Variants in CPNE4 observed in about 807,000 individuals in gnomAD.
CPNE4 encodes the protein copine 4, also known as copine-4.
CPNE4 carries 25 observed loss-of-function variants against 67.9 expected under a neutral mutation model. That is an observed-to-expected ratio of 0.37 (90% CI 0.27 to 0.51). The LOEUF (loss-of-function observed/expected upper bound fraction) is 0.51, where lower values mean the gene tolerates loss of function less well. Ranked by LOEUF, CPNE4 falls within the 20% of genes least tolerant of loss-of-function variation. CPNE4 has a pLI of 0.93. For synonymous variants in CPNE4, 242 were observed against 244.9 expected, an observed-to-expected ratio of 0.99 and a Z score of 0.11; for missense variants, 464 against 690.8, an observed-to-expected ratio of 0.67 and a Z score of 3.68.
At chr3:132,029,936 G>A (rs4854874) in intron 1 of CPNE4, among the ~76,000 whole-genome samples, 33,438 of 152,184 alleles carry the variant, frequency 0.22, 4,637 homozygotes, top group East Asian at 0.38. Context: ...AAAATAGAAA[G>A]CTAAGTCTAT....
intron 2 of CPNE4, among the ~76,000 whole-genome samples, chr3:131,766,748 A>G (rs114023124): frequency 0.011 from 1,610 of 152,308 alleles, 25 homozygotes; most frequent in African/African-American, 0.036. Flanking sequence ...AAAAACAGAT[A>G]AAAATCATAT....
intron 2 of CPNE4, among the ~76,000 whole-genome samples, chr3:131,884,124 C>T (rs1288234488): frequency 6.6e-6 from 1 of 152,228 alleles, no homozygotes; most frequent in Non-Finnish European, 1.5e-5. Context: ...AGCACAAAAG[C>T]TGGGACCATG....
chr3:131,912,486 A>G (rs114391906), intron 1 of CPNE4, among the ~76,000 whole-genome samples: 268 of 152,224 alleles, frequency 1.8e-3, no homozygotes, highest in African/African-American at 6.0e-3. Flanking sequence ...GGATGTCTCT[A>G]TCTCACAACA....
At chr3:131,663,699 A>G (rs1453583221) in intron 7 of CPNE4, among the ~76,000 whole-genome samples, 8 of 152,108 alleles carry the variant, frequency 5.3e-5, no homozygotes, top group Admixed American at 5.2e-4. Context: ...ACTCAAGAAC[A>G]TGGCTGTTTT....
At chr3:131,964,555 G>C (rs561370529) in intron 1 of CPNE4, among the ~76,000 whole-genome samples, 1 of 151,932 alleles carries the variant, frequency 6.6e-6, no homozygotes, top group African/African-American at 2.4e-5. Context: ...GAAAAACACA[G>C]CATGAGAACT....
intron 10 of CPNE4, among the ~76,000 whole-genome samples, chr3:131,571,471 C>A (rs1363877723): frequency 3.3e-5 from 5 of 152,072 alleles, no homozygotes; most frequent in Non-Finnish European, 5.9e-5. Flanking sequence ...CCAAATTCAT[C>A]ATCTTGCCTA....
In CPNE4 at chr3:131,796,892, C is replaced by T. The variant is rs565034425; in HGVS notation, c.181-73267G>A. Reference sequence around the variant, plus strand: ...CACACATAGTCTTTTCATCTAATGACGTTGGCAAGTTTAACTTTCTTTGCA... The same window carrying T: ...CACACATAGTCTTTTCATCTAATGATGTTGGCAAGTTTAACTTTCTTTGCA... On this transcript the variant is annotated intron_variant, in intron 2 of 15. Coordinates refer to ENST00000429747, the MANE Select transcript of CPNE4 (RefSeq NM_130808.3). Among the ~76,000 whole-genome samples the T allele has an allele frequency of 2.6e-3, 394 of 152,354 alleles. 5 individuals carry two copies. In the Middle Eastern group the frequency reaches 0.037, roughly 14 times the overall value.
At chr3:131,976,510 T>C (rs1357691065) in intron 1 of CPNE4, among the ~76,000 whole-genome samples, 4 of 151,908 alleles carry the variant, frequency 2.6e-5, no homozygotes, top group East Asian at 1.9e-4. Context: ...AGGAGGAGAA[T>C]AGAAGGAAAG....
At chr3:131,964,309 T>G (rs2072275886) in intron 1 of CPNE4, among the ~76,000 whole-genome samples, 1 of 151,988 alleles carries the variant, frequency 6.6e-6, no homozygotes, top group East Asian at 1.9e-4. Context: ...CCAGAATGCC[T>G]TATCTCCTCC....
intron 7 of CPNE4, among the ~76,000 whole-genome samples, chr3:131,600,865 CTCTA>C (rs1302595254): frequency 2.0e-5 from 3 of 152,218 alleles, no homozygotes; most frequent in Admixed American, 6.5e-5. Context: ...ATATCTTGCT[CTCTA>C]TCTGATTCTA....
chr3:131,813,534 C>T (rs2084617870), intron 2 of CPNE4, among the ~76,000 whole-genome samples: 4 of 150,012 alleles, frequency 2.7e-5, no homozygotes, highest in Admixed American at 1.3e-4. Flanking sequence ...TGTATGTATA[C>T]ACACATATGC....
chr3:131,983,448 CTAAT>C (rs2072961197), intron 1 of CPNE4, among the ~76,000 whole-genome samples: 2 of 152,178 alleles, frequency 1.3e-5, no homozygotes, highest in South Asian at 4.2e-4. Flanking sequence ...ACTGGATATC[CTAAT>C]TAATACAAAA....
rs970555982 is a variant in CPNE4 at position 131,701,530 on chromosome 3, C to G, written c.361-1550G>C. 2.0e-5 allele frequency among the ~76,000 whole-genome samples: 3 copies of G among 152,334 alleles called. 1 individual carries two copies. The highest frequency in any genetic ancestry group is 4.1e-4 in the South Asian group (2 of 4,828). On this transcript the variant is annotated intron_variant, in intron 3 of 15. Transcript: ENST00000429747. ...CTTATATCTTATATCTTACCACTAT[C>G]TCTCATTCTTTCTCTCTCTCAGAGC...
At chr3:131,986,151 A>T (rs1052091445) in intron 1 of CPNE4, among the ~76,000 whole-genome samples, 8 of 148,478 alleles carry the variant, frequency 5.4e-5, no homozygotes, top group Non-Finnish European at 1.0e-4. Flanking sequence ...CTTTAACCAG[A>T]TTAAGCCCTT....
In CPNE4 at chr3:131,632,123, C is replaced by T. The variant is rs554098625; in HGVS notation, c.681+37552G>A. Among the ~76,000 whole-genome samples, 34 of 151,648 alleles carry T rather than the reference C, an allele frequency of 2.2e-4. 1 individual carries two copies. Among genetic ancestry groups the T allele is most frequent in the Admixed American group, 3.9e-4 (6 of 15,272 alleles). On this transcript the variant is annotated intron_variant, in intron 7 of 15. Transcript: ENST00000429747. ...CTCCTGGGCGCAAGTGATTCTCCTG[C>T]CTCAGCCTCCCGAGTAGCTGGGATT...
At chr3:131,789,035 C>CACACACACAG (rs1553771459) in intron 2 of CPNE4, among the ~76,000 whole-genome samples, 37 of 137,404 alleles carry the variant, frequency 2.7e-4, no homozygotes, top group South Asian at 7.0e-4. Context: ...CACACACACA[C>CACACACACAG]AGAGAGAGAG....
chr3:131,765,166 C>T (rs2107821510), intron 2 of CPNE4, among the ~76,000 whole-genome samples: 1 of 152,152 alleles, frequency 6.6e-6, no homozygotes, highest in East Asian at 1.9e-4. Context: ...GGGATCAAGG[C>T]TTCCTTCCTG....
chr3:131,858,145 T>C (rs1028704579), intron 2 of CPNE4, among the ~76,000 whole-genome samples: 1 of 152,104 alleles, frequency 6.6e-6, no homozygotes, highest in Non-Finnish European at 1.5e-5. Context: ...CCAAGAGAAT[T>C]AAAGCTTTGA....
chr3:131,625,603 C>T (rs1322029632), intron 7 of CPNE4, among the ~76,000 whole-genome samples: 1 of 152,160 alleles, frequency 6.6e-6, no homozygotes, highest in Admixed American at 6.5e-5. Flanking sequence ...TGAACCAAAG[C>T]TGGTACAGTA....
Sources: allele counts gnomAD v4.1 joint callset (sites outside exome capture counted in the v4.1 genomes callset), GRCh38; gene constraint gnomAD v4.1.1; transcripts MANE v1.5; gene names NCBI Gene and HGNC (gene_info 2026-07-23, HGNC 2026-07-21).